Variants in EYS observed in about 807,000 individuals in gnomAD.
EYS encodes EGF-like photoreceptor maintenance factor.
In EYS, 250 loss-of-function variants were observed where a neutral mutation model predicts 282.1. The observed-to-expected ratio is 0.89, with a 90% confidence interval of 0.80 to 0.98. EYS has a LOEUF of 0.98. EYS is among the 50% of genes least tolerant of loss of function. The pLI is 0.00. For missense variants in EYS, 4,016 were observed against 3,709.0 expected, an observed-to-expected ratio of 1.08 and a Z score of -2.15; for synonymous variants, 1,355 against 1,282.9, an observed-to-expected ratio of 1.06 and a Z score of -1.20.
intron 26 of EYS, among the ~76,000 whole-genome samples, chr6:64,502,992 C>T (rs777844980): frequency 2.6e-5 from 4 of 152,190 alleles, no homozygotes; most frequent in Admixed American, 1.3e-4. Context: ...AGCTTAACTT[C>T]CTTCCTCTTG....
intron 21 of EYS, among the ~76,000 whole-genome samples, chr6:64,820,871 T>C (rs1372503541): frequency 1.3e-5 from 2 of 152,122 alleles, no homozygotes; most frequent in Non-Finnish European, 2.9e-5. Flanking sequence ...GACCCTGTGA[T>C]GTCAGAACTA....
At chr6:65,498,908 G>T (rs553207686) in intron 2 of EYS, among the ~76,000 whole-genome samples, 15 of 152,046 alleles carry the variant, frequency 9.9e-5, no homozygotes, top group Middle Eastern at 3.4e-3. Flanking sequence ...CACACATATT[G>T]ATTAAAATCA....
chr6:65,361,998 A>G (rs922530844), intron 8 of EYS, among the ~76,000 whole-genome samples: 2 of 152,174 alleles, frequency 1.3e-5, no homozygotes, highest in African/African-American at 4.8e-5. Flanking sequence ...CACAATCTGT[A>G]GTATCTCATA....
At chr6:64,172,948 G>A (rs1041931206) in intron 31 of EYS, among the ~76,000 whole-genome samples, 6 of 151,948 alleles carry the variant, frequency 3.9e-5, no homozygotes, top group African/African-American at 1.2e-4. Flanking sequence ...ATTGCCTTCC[G>A]CGAAACCGGT....
intron 36 of EYS, among the ~76,000 whole-genome samples, chr6:63,835,575 T>A (rs1771784125): frequency 6.6e-6 from 1 of 151,986 alleles, no homozygotes. Context: ...CTTTGGAGAC[T>A]TGGAGGGAAG....
intron 41 of EYS, among the ~76,000 whole-genome samples, chr6:63,732,120 A>G (rs1768797582): frequency 6.6e-6 from 1 of 151,868 alleles, no homozygotes; most frequent in South Asian, 2.1e-4. Context: ...GTTGAGAATT[A>G]TCTGTGCACA....
intron 26 of EYS, among the ~76,000 whole-genome samples, chr6:64,453,788 G>A (rs942673768): frequency 5.3e-5 from 8 of 151,942 alleles, no homozygotes; most frequent in Non-Finnish European, 8.8e-5. Context: ...GTTCTCACTC[G>A]TAGGTGGGAA....
rs1183442519 is a variant in EYS at position 65,420,780 on chromosome 6, T to A, written c.863-15413A>T. Among the ~76,000 whole-genome samples, 3 of 152,004 alleles carry A rather than the reference T, an allele frequency of 2.0e-5. No homozygotes were observed. The East Asian group carries it at 5.8e-4, about 29-fold the overall frequency. ...TACAAAAGGGATGCCATGTTAGCAG[T>A]TATGAAAACAATATTTATCTCCTTG... On this transcript the variant is annotated intron_variant, in intron 5 of 42. Coordinates refer to ENST00000503581, the MANE Select transcript of EYS (RefSeq NM_001142800.2).
At chr6:65,659,978 C>T (rs1386827412) in intron 1 of EYS, among the ~76,000 whole-genome samples, 1 of 151,620 alleles carries the variant, frequency 6.6e-6, no homozygotes, top group East Asian at 1.9e-4. Context: ...GAGAAATTTT[C>T]GTGAACTGAC....
chr6:64,391,672 T>C (rs943478879), intron 28 of EYS, among the ~76,000 whole-genome samples: 17 of 152,092 alleles, frequency 1.1e-4, no homozygotes, highest in Admixed American at 5.2e-4. Flanking sequence ...TGCAAAATCA[T>C]GCCAAAATGT....
intron 13 of EYS, among the ~76,000 whole-genome samples, chr6:65,017,408 G>A (rs913733665): frequency 6.6e-6 from 1 of 152,092 alleles, no homozygotes; most frequent in Non-Finnish European, 1.5e-5. Flanking sequence ...ATACCTTCAA[G>A]TATTAATAAA....
At chr6:64,289,824 G>C (rs942362086) in intron 30 of EYS, among the ~76,000 whole-genome samples, 3 of 152,174 alleles carry the variant, frequency 2.0e-5, no homozygotes, top group Middle Eastern at 3.4e-3. Context: ...TGCTGGGGCT[G>C]AATAGTATGG....
At chr6:65,002,094 T>C (rs923584607) in intron 13 of EYS, among the ~76,000 whole-genome samples, 6 of 146,788 alleles carry the variant, frequency 4.1e-5, no homozygotes, top group Non-Finnish European at 7.6e-5. Flanking sequence ...CAATTTAAAT[T>C]TAAATTGTCT....
chr6:65,647,321 T>C (rs1767486603), intron 1 of EYS, among the ~76,000 whole-genome samples: 1 of 152,116 alleles, frequency 6.6e-6, no homozygotes, highest in South Asian at 2.1e-4. Flanking sequence ...AATAGGCACA[T>C]AGACCAATGG....
intron 12 of EYS, among the ~76,000 whole-genome samples, chr6:65,205,337 A>G (rs1766009207): frequency 6.6e-6 from 1 of 151,840 alleles, no homozygotes; most frequent in East Asian, 1.9e-4. Flanking sequence ...AAAGGTTTCA[A>G]TACAACAAGA....
chr6:64,482,020 G>A (rs1416055934), intron 26 of EYS, among the ~76,000 whole-genome samples: 1 of 151,576 alleles, frequency 6.6e-6, no homozygotes, highest in Middle Eastern at 3.2e-3. Context: ...GCTCAGGTTT[G>A]GTTAACTCAG....
Position 65,495,477 on chromosome 6 carries a change from C to T in EYS, c.-67G>A, listed in dbSNP as rs886950751. 1.1e-5 allele frequency: 17 copies of T among 1,541,264 alleles called. No individual in the cohort carries two copies. The highest frequency in any genetic ancestry group is 5.2e-5 in the Admixed American group (3 of 57,680). On this transcript the variant is annotated 5_prime_UTR_variant, in exon 4 of 43. Coordinates refer to ENST00000503581, the MANE Select transcript of EYS (RefSeq NM_001142800.2). Reference sequence around the variant, plus strand: ...TGCAAAATGGTGTTTTAAGTATTACCGGAAATTTCCAAGTAAAGTTGTGGT... The same window carrying T: ...TGCAAAATGGTGTTTTAAGTATTACTGGAAATTTCCAAGTAAAGTTGTGGT...
chr6:65,600,715 A>C (rs1177442137), intron 2 of EYS, among the ~76,000 whole-genome samples: 1 of 151,944 alleles, frequency 6.6e-6, no homozygotes, highest in Admixed American at 6.6e-5. Flanking sequence ...AAAACATAAA[A>C]ATTTTTAGTA....
chr6:64,981,936 G>A (rs1770682560), intron 14 of EYS, among the ~76,000 whole-genome samples: 1 of 151,268 alleles, frequency 6.6e-6, no homozygotes, highest in African/African-American at 2.4e-5. Context: ...TTAAAAACCA[G>A]TAATATGAAA....
Sources: allele counts gnomAD v4.1 joint callset (sites outside exome capture counted in the v4.1 genomes callset), GRCh38; gene constraint gnomAD v4.1.1; transcripts MANE v1.5; gene names NCBI Gene and HGNC (gene_info 2026-07-23, HGNC 2026-07-21).